Variants in STARD13 observed in about 807,000 individuals in gnomAD.
STARD13 encodes stAR-related lipid transfer protein 13.
A neutral mutation model predicts 106.4 loss-of-function variants in STARD13; 62 were observed. The ratio of observed to expected loss-of-function variants is 0.58; its 90% CI spans 0.48 to 0.72. The LOEUF (loss-of-function observed/expected upper bound fraction) is 0.72. Ranked by LOEUF, STARD13 falls within the 30% of genes least tolerant of loss-of-function variation. The pLI, the probability that STARD13 is intolerant of heterozygous loss-of-function variation, is 0.00. For synonymous variants in STARD13, 565 were observed against 553.0 expected, an observed-to-expected ratio of 1.02 and a Z score of -0.31; for missense variants, 1,387 against 1,424.0, an observed-to-expected ratio of 0.97 and a Z score of 0.42.
intron 1 of STARD13, among the ~76,000 whole-genome samples, chr13:33,324,428 T>C (rs1156562831): frequency 1.3e-5 from 2 of 152,216 alleles, no homozygotes; most frequent in South Asian, 2.1e-4. Flanking sequence ...TTATCCAGAA[T>C]TAAAAGTTCT....
At chr13:33,587,754 T>G in the STARD13 span, among the ~76,000 whole-genome samples, 3 of 152,198 alleles carry the variant, frequency 2.0e-5, no homozygotes, top group Non-Finnish European at 4.4e-5. Context: ...AACAAGGTAG[T>G]CTTCAGCCAC....
chr13:33,297,638 G>C (rs529225928), intron 1 of STARD13, among the ~76,000 whole-genome samples: 4 of 151,388 alleles, frequency 2.6e-5, no homozygotes, highest in African/African-American at 9.7e-5. Context: ...GAAAAGTTTA[G>C]AAGAAACTGC....
intron 1 of STARD13, among the ~76,000 whole-genome samples, chr13:33,325,882 G>C (rs1397178212): frequency 6.6e-6 from 1 of 150,672 alleles, no homozygotes; most frequent in African/African-American, 2.4e-5. Context: ...CTACTTGGGA[G>C]ACTGAGGCAG....
chr13:33,113,483 G>C (rs989445234), intron 8 of STARD13: 6 of 495,278 alleles, frequency 1.2e-5, no homozygotes, highest in African/African-American at 3.9e-5. Flanking sequence ...TGTTGAGCTG[G>C]TGGGACCTCT....
the STARD13 span, among the ~76,000 whole-genome samples, chr13:33,437,211 G>A: frequency 6.6e-6 from 1 of 152,164 alleles, no homozygotes; most frequent in African/African-American, 2.4e-5. Flanking sequence ...AAAGCACTGT[G>A]AAAATCCCTA....
intron 3 of STARD13, among the ~76,000 whole-genome samples, chr13:33,146,045 C>A (rs896873539): frequency 2.6e-5 from 4 of 152,062 alleles, no homozygotes; most frequent in Non-Finnish European, 4.4e-5. Flanking sequence ...AAAAATTAAG[C>A]CGGGTGTGGT....
At chr13:33,219,828 AAAGAAAG>A (rs1888257093) in intron 1 of STARD13, among the ~76,000 whole-genome samples, 3 of 103,866 alleles carry the variant, frequency 2.9e-5, no homozygotes, top group African/African-American at 1.0e-4. Flanking sequence ...AAAAAAAAAG[AAAGAAAG>A]AAAGAAAGAA....
At chr13:33,448,329 T>A in the STARD13 span, among the ~76,000 whole-genome samples, 6 of 152,328 alleles carry the variant, frequency 3.9e-5, no homozygotes, top group African/African-American at 1.4e-4. Flanking sequence ...GAACAACTTT[T>A]TTAGATTTCA....
At chr13:33,451,143 G>T in the STARD13 span, among the ~76,000 whole-genome samples, 2 of 152,142 alleles carry the variant, frequency 1.3e-5, no homozygotes, top group East Asian at 3.8e-4. Context: ...ATCTCCTAAA[G>T]TGCTGAAATT....
chr13:33,478,084 A>G, the STARD13 span, among the ~76,000 whole-genome samples: 1 of 151,946 alleles, frequency 6.6e-6, no homozygotes, highest in East Asian at 1.9e-4. Flanking sequence ...TACCCCTCCA[A>G]TTCGTGTTTT....
At chr13:33,565,487 AAAT>A in the STARD13 span, among the ~76,000 whole-genome samples, 1 of 148,170 alleles carries the variant, frequency 6.7e-6, no homozygotes, top group East Asian at 2.0e-4. Context: ...TAAAAAGAAA[AAAT>A]ATGTATTTTG....
chr13:33,431,559 T>A, the STARD13 span, among the ~76,000 whole-genome samples: 2 of 152,108 alleles, frequency 1.3e-5, no homozygotes. Flanking sequence ...ATGGGAAAAA[T>A]TTTTTTGAAT....
chr13:33,312,067 T>C (rs950329277), intron 1 of STARD13, among the ~76,000 whole-genome samples: 10 of 152,222 alleles, frequency 6.6e-5, no homozygotes, highest in Non-Finnish European at 1.5e-4. Context: ...CCTTAGAAAG[T>C]TGTGCTTGAA....
At chr13:33,431,318 C>A in the STARD13 span, among the ~76,000 whole-genome samples, 1 of 151,922 alleles carries the variant, frequency 6.6e-6, no homozygotes, top group Non-Finnish European at 1.5e-5. Flanking sequence ...AAAAAGAATA[C>A]AAAATTTCAA....
At chr13:33,364,619 G>C in the STARD13 span, among the ~76,000 whole-genome samples, 1 of 152,244 alleles carries the variant, frequency 6.6e-6, no homozygotes. Context: ...GCTGGGCGCG[G>C]TGGCTCACGC....
chr13:33,111,105 G>T (rs1593853982), intron 10 of STARD13, among the ~76,000 whole-genome samples, 198 bp from the exon 11 acceptor site: 1 of 152,180 alleles, frequency 6.6e-6, no homozygotes, highest in African/African-American at 2.4e-5. Flanking sequence ...ATGTTTCTGA[G>T]GCTGTATTTA....
intron 6 of STARD13, 117 bp downstream of exon 6, chr13:33,127,256 A>T: frequency 8.7e-7 from 1 of 1,142,860 alleles, no homozygotes; most frequent in Middle Eastern, 2.4e-4. Context: ...CCAGGAGATC[A>T]TCAGTGAAGG....
chr13:33,360,739 C>T, the STARD13 span, among the ~76,000 whole-genome samples: 12 of 20,556 alleles, frequency 5.8e-4, no homozygotes, highest in African/African-American at 1.9e-3. Flanking sequence ...TATTGTTGAT[C>T]GTTGAACAAT....
intron 9 of STARD13, among the ~76,000 whole-genome samples, chr13:33,112,382 C>A (rs1874709231): frequency 6.6e-6 from 1 of 152,168 alleles, no homozygotes; most frequent in South Asian, 2.1e-4. Context: ...AGAGTGTTGA[C>A]AAATCCTGAA....
Sources: gnomAD v4.1 joint callset for allele counts (sites outside exome capture counted in the v4.1 genomes callset) on GRCh38, gnomAD v4.1.1 for gene constraint, MANE v1.5 for transcripts, NCBI Gene and HGNC (gene_info 2026-07-23, HGNC 2026-07-21) for gene names.